Variants in RELN observed in about 807,000 individuals in gnomAD.
RELN encodes the protein reelin.
RELN carries 108 observed loss-of-function variants against 427.6 expected under a neutral mutation model. The ratio of observed to expected loss-of-function variants is 0.25; its 90% confidence interval spans 0.22 to 0.30. RELN has a LOEUF of 0.30. Ranked by LOEUF, RELN falls within the 10% of genes least tolerant of loss-of-function variation. The pLI, the probability that RELN is intolerant of heterozygous loss-of-function variation, is 1.00. For synonymous variants in RELN, 1,524 were observed against 1,513.4 expected (o/e 1.01, Z -0.16); for missense variants, 3,715 against 4,302.8 (o/e 0.86, Z 3.82).
At chr7:103,773,241 G>GTATC (rs1791636480) in intron 4 of RELN, among the ~76,000 whole-genome samples, 1 of 65,698 alleles carries the variant, frequency 1.5e-5, no homozygotes, top group African/African-American at 6.0e-5. Flanking sequence ...CTCCCTCCCT[G>GTATC]TCTCTCTCTC....
chr7:103,910,010 C>T (rs1195766236), intron 2 of RELN, among the ~76,000 whole-genome samples: 2 of 136,280 alleles, frequency 1.5e-5, no homozygotes, highest in African/African-American at 2.8e-5. Context: ...GGCAGTATGG[C>T]CATTTTCACG....
intron 6 of RELN, among the ~76,000 whole-genome samples, chr7:103,747,425 T>TAA (rs34179574): frequency 1.3e-5 from 2 of 151,392 alleles, no homozygotes; most frequent in East Asian, 1.9e-4. Flanking sequence ...ATAATAAAAT[T>TAA]AAAAAAATAA....
At chr7:103,739,103 G>A (rs998626952) in intron 6 of RELN, among the ~76,000 whole-genome samples, 1 of 152,104 alleles carries the variant, frequency 6.6e-6, no homozygotes, top group Non-Finnish European at 1.5e-5. Flanking sequence ...TATCACTGTG[G>A]TGTATCCATC....
chr7:103,932,001 A>G (rs1795877021), intron 1 of RELN, among the ~76,000 whole-genome samples: 2 of 152,264 alleles, frequency 1.3e-5, no homozygotes, highest in African/African-American at 4.8e-5. Context: ...AGCTAAAAAC[A>G]GAACTACCAT....
rs544323608 is a variant in RELN, at chr7:103,901,108, A to G, written c.337+15967T>C. ...AAATTGGAAAAAGACTTGAATGGAC[A>G]TCTCTCCAAAGAAGATGTACGATGG... On this transcript the variant is annotated intron_variant, in intron 2 of 64. Transcript: ENST00000428762. Among the ~76,000 whole-genome samples the G allele has an allele frequency of 2.9e-3, 447 of 152,224 alleles. 1 individual carries two copies. The highest frequency in any genetic ancestry group is 0.01 in the African/African-American group (416 of 41,570).
intron 48 of RELN, among the ~76,000 whole-genome samples, chr7:103,521,025 G>A (rs1292618156): frequency 7.4e-6 from 1 of 135,930 alleles, no homozygotes; most frequent in East Asian, 2.3e-4. Flanking sequence ...GCGGGACTGC[G>A]GACTGCAGTG....
intron 33 of RELN, among the ~76,000 whole-genome samples, chr7:103,565,842 AT>A (rs1399537647): frequency 6.6e-6 from 1 of 152,214 alleles, no homozygotes; most frequent in Non-Finnish European, 1.5e-5. Flanking sequence ...TACATGTGAT[AT>A]TTTGATACAT....
intron 54 of RELN, 63 bp from the exon 55 acceptor site, chr7:103,497,989 C>T (rs1828892555): frequency 1.2e-6 from 2 of 1,600,678 alleles, no homozygotes; most frequent in Non-Finnish European, 1.7e-6. Context: ...TACTCAAGTC[C>T]TGGATAATTT....
At chr7:103,570,231 C>T (rs1196108734) in intron 31 of RELN, among the ~76,000 whole-genome samples, 1 of 152,176 alleles carries the variant, frequency 6.6e-6, no homozygotes, top group East Asian at 1.9e-4. Flanking sequence ...AAGTTCAATA[C>T]AGAGCAAAGA....
chr7:103,778,097 A>C (rs1584485722), intron 3 of RELN, among the ~76,000 whole-genome samples: 1 of 152,326 alleles, frequency 6.6e-6, no homozygotes, highest in East Asian at 1.9e-4. Context: ...TTAAATATTC[A>C]CATAAGTTTA....
chr7:103,554,541 G>A (rs1830483605), intron 38 of RELN, among the ~76,000 whole-genome samples: 1 of 134,230 alleles, frequency 7.4e-6, no homozygotes. Context: ...CTGCACTCCA[G>A]CCTGGGCAAC....
intron 3 of RELN, among the ~76,000 whole-genome samples, chr7:103,792,275 C>A (rs1374303792): frequency 2.0e-5 from 3 of 152,062 alleles, no homozygotes; most frequent in African/African-American, 7.2e-5. Flanking sequence ...CACAAATGTT[C>A]TCAGAAGCAT....
intron 11 of RELN, among the ~76,000 whole-genome samples, chr7:103,671,318 A>G (rs1051149792): frequency 3.3e-5 from 5 of 152,092 alleles, no homozygotes; most frequent in Non-Finnish European, 1.5e-5. Context: ...CTTCTCTTCA[A>G]TTGGTTCCTC....
In RELN at chr7:103,700,355, T is replaced by C. The variant is rs142016457; in HGVS notation, c.902+555A>G. 1.1e-3 allele frequency among the ~76,000 whole-genome samples: 162 copies of C among 152,278 alleles called. 1 individual carries two copies. Among genetic ancestry groups the C allele is most frequent in the African/African-American group, 3.8e-3 (157 of 41,584 alleles). On this transcript the variant is annotated intron_variant, in intron 9 of 64. Coordinates refer to ENST00000428762, the MANE Select transcript of RELN (RefSeq NM_005045.4). Reference sequence around the variant, plus strand: ...TTCATCCTCAAGCATCCTACCTTATTTTCTTATTGAGGGATATTTTTTAAT... The same window carrying C: ...TTCATCCTCAAGCATCCTACCTTATCTTCTTATTGAGGGATATTTTTTAAT...
chr7:103,939,689 T>C (rs1286397540), intron 1 of RELN, among the ~76,000 whole-genome samples: 1 of 152,234 alleles, frequency 6.6e-6, no homozygotes, highest in African/African-American at 2.4e-5. Context: ...TTTAATACTA[T>C]ATACCACAAT....
rs773666242 is a variant in RELN, at chr7:103,482,854, C to T, written c.10280+19G>A. On this transcript the variant is annotated intron_variant, in intron 63 of 64. Transcript: ENST00000428762. ...ACCTTCCTGAAATGGACATGGGATGCCATGTAATAGATACTCACAGGACGA... is the reference window on the plus strand; with the variant it reads ...ACCTTCCTGAAATGGACATGGGATGTCATGTAATAGATACTCACAGGACGA... 3 of 1,613,884 alleles carry T rather than the reference C, an allele frequency of 1.9e-6. No homozygotes were observed. Among genetic ancestry groups the T allele is most frequent in the Non-Finnish European group, 2.5e-6 (3 of 1,179,838 alleles).
chr7:103,912,185 A>G (rs905195471), intron 2 of RELN, among the ~76,000 whole-genome samples: 3 of 150,882 alleles, frequency 2.0e-5, no homozygotes, highest in Non-Finnish European at 4.4e-5. Flanking sequence ...ATTTAATCAA[A>G]TTTTGTCACT....
chr7:103,970,311 T>A (rs187786561), intron 1 of RELN, among the ~76,000 whole-genome samples: 14 of 151,700 alleles, frequency 9.2e-5, no homozygotes, highest in Admixed American at 9.2e-4. Flanking sequence ...CCGGGCTAAT[T>A]TTTTGTGTTT....
At chr7:103,742,036 C>T (rs556241159) in intron 6 of RELN, among the ~76,000 whole-genome samples, 5 of 152,188 alleles carry the variant, frequency 3.3e-5, no homozygotes, top group African/African-American at 1.2e-4. Flanking sequence ...GGACTGACAC[C>T]GCACACGGCC....
Sources: gnomAD v4.1 joint callset for allele counts (sites outside exome capture counted in the v4.1 genomes callset) on GRCh38, gnomAD v4.1.1 for gene constraint, MANE v1.5 for transcripts, NCBI Gene and HGNC (gene_info 2026-07-23, HGNC 2026-07-21) for gene names.